INSYN2A: variants seen among roughly 807,000 people sequenced by gnomAD.
INSYN2A encodes family with sequence similarity 196 member A.
A neutral mutation model predicts 39.4 loss-of-function variants in INSYN2A; 17 were observed. The ratio of observed to expected loss-of-function variants is 0.43; its 90% CI spans 0.30 to 0.65. INSYN2A has a LOEUF of 0.65. INSYN2A is among the 30% of genes least tolerant of loss of function. The probability of loss-of-function intolerance (pLI) is 0.14; values close to 1 mark genes in which losing one functional copy is unlikely to be tolerated. For synonymous variants in INSYN2A, 255 were observed against 265.7 expected (o/e 0.96, Z 0.39); for missense variants, 595 against 631.2 (o/e 0.94, Z 0.61).
chr10:127,163,356 T>C (rs1236577318), intron 4 of INSYN2A, among the ~76,000 whole-genome samples: 1 of 152,036 alleles, frequency 6.6e-6, no homozygotes, highest in African/African-American at 2.4e-5. Context: ...CGCCATGGAG[T>C]ATACCGGGAG....
At chr10:127,193,117 CAAAA>C (rs1212775508) in intron 1 of INSYN2A, among the ~76,000 whole-genome samples, 1 of 151,926 alleles carries the variant, frequency 6.6e-6, no homozygotes, top group African/African-American at 2.4e-5. Flanking sequence ...ATATGTGAGA[CAAAA>C]AAGGATCTGC....
At chr10:127,157,797 CT>C (rs1198802299) in intron 4 of INSYN2A, among the ~76,000 whole-genome samples, 1 of 152,156 alleles carries the variant, frequency 6.6e-6, no homozygotes, top group East Asian at 1.9e-4. Context: ...TGTTTGGGAT[CT>C]TTCTTTTGTT....
intron 2 of INSYN2A, among the ~76,000 whole-genome samples, chr10:127,183,828 C>T (rs555681183): frequency 6.6e-6 from 1 of 152,166 alleles, no homozygotes; most frequent in Non-Finnish European, 1.5e-5. Context: ...AAAAATCTAC[C>T]TCTTATCAAT....
intron 2 of INSYN2A, among the ~76,000 whole-genome samples, chr10:127,180,771 A>G (rs1421194827): frequency 1.3e-5 from 2 of 152,386 alleles, no homozygotes; most frequent in East Asian, 3.9e-4. Flanking sequence ...GGCCATTAAA[A>G]GGATAATTAT....
At position 127,135,773 on chromosome 10, in the gene INSYN2A, T is replaced by A. The variant is rs1454700972; in HGVS notation, c.*2064A>T. On this transcript the variant is annotated 3_prime_UTR_variant, in exon 6 of 6. Transcript: ENST00000522781. ...CTAGACTGGTGTGAAACAGTGACATTATTTTGTGTACTAGGATGTCCTCTT... is the reference window on the plus strand; with the variant it reads ...CTAGACTGGTGTGAAACAGTGACATAATTTTGTGTACTAGGATGTCCTCTT... 5.9e-5 allele frequency: 9 copies of A among 152,670 alleles called. No individual in the cohort carries two copies. Among genetic ancestry groups the A allele is most frequent in the African/African-American group, 2.2e-4 (9 of 41,470 alleles). 9.5% of individuals were successfully genotyped at this position (152,670 alleles called of 1,614,324 possible). A position where few individuals can be genotyped will look rare whatever the true frequency, so the allele number is the denominator to read the frequency against.
chr10:127,160,412 T>G (rs2053497254), intron 4 of INSYN2A, among the ~76,000 whole-genome samples: 1 of 152,220 alleles, frequency 6.6e-6, no homozygotes, highest in Admixed American at 6.5e-5. Flanking sequence ...TGTGTGTGCC[T>G]GGTCTGGTTG....
At chr10:127,146,646 G>C (rs1394471986) in intron 5 of INSYN2A, among the ~76,000 whole-genome samples, 1 of 152,090 alleles carries the variant, frequency 6.6e-6, no homozygotes, top group Non-Finnish European at 1.5e-5. Flanking sequence ...ACTAAGAACA[G>C]AGCACTAAAC....
Position 127,147,904 on chromosome 10 carries a change from G to A in INSYN2A, c.1256+5948C>T, listed in dbSNP as rs139892454. Among the ~76,000 whole-genome samples, 326 of 151,686 alleles carry A rather than the reference G, an allele frequency of 2.1e-3. 1 individual carries two copies. Among genetic ancestry groups the A allele is most frequent in the African/African-American group, 6.8e-3 (282 of 41,390 alleles). On this transcript the variant is annotated intron_variant, in intron 5 of 5. Coordinates refer to ENST00000522781, the MANE Select transcript of INSYN2A (RefSeq NM_001039762.3). ...AAATTAGCCAGGATTGGCGGTGCGC[G>A]CACGTAGTCCCAGCTACTCGGGAGG...
intron 4 of INSYN2A, among the ~76,000 whole-genome samples, chr10:127,159,413 T>C (rs2053390245): frequency 6.6e-6 from 1 of 152,164 alleles, no homozygotes; most frequent in South Asian, 2.1e-4. Flanking sequence ...CTCTAATTCT[T>C]CAGTTGTTAC....
intron 5 of INSYN2A, among the ~76,000 whole-genome samples, chr10:127,144,112 A>G (rs1054755567): frequency 1.4e-4 from 22 of 152,098 alleles, no homozygotes; most frequent in African/African-American, 4.3e-4. Context: ...CCAGAACTCC[A>G]GCAGTTTCCT....
At chr10:127,142,495 G>C (rs2051361220) in intron 5 of INSYN2A, among the ~76,000 whole-genome samples, 1 of 152,176 alleles carries the variant, frequency 6.6e-6, no homozygotes, top group African/African-American at 2.4e-5. Flanking sequence ...AAAAAGTCCT[G>C]ATTCTTGAGA....
chr10:127,158,570 G>A (rs1202309538), intron 4 of INSYN2A, among the ~76,000 whole-genome samples: 1 of 152,146 alleles, frequency 6.6e-6, no homozygotes, highest in African/African-American at 2.4e-5. Flanking sequence ...AGTTAATGTT[G>A]ATGTAGCCAA....
At chr10:127,179,641 G>T (rs1454824911) in intron 2 of INSYN2A, among the ~76,000 whole-genome samples, 1 of 152,110 alleles carries the variant, frequency 6.6e-6, no homozygotes, top group Non-Finnish European at 1.5e-5. Flanking sequence ...CTTTATTGGG[G>T]GTGGAGGGTA....
At chr10:127,170,901 G>C (rs936742049) in intron 4 of INSYN2A, among the ~76,000 whole-genome samples, 3 of 152,214 alleles carry the variant, frequency 2.0e-5, no homozygotes, top group African/African-American at 7.2e-5. Flanking sequence ...GCATAAAGCA[G>C]AGTGATTTTA....
rs530301874 is a variant in INSYN2A, at chr10:127,149,271, CAG to C, written c.1256+4579_1256+4580del. Among the ~76,000 whole-genome samples the C allele has an allele frequency of 6.6e-3, 999 of 152,278 alleles. 4 individuals are homozygous for C. The highest frequency in any genetic ancestry group is 0.012 in the Admixed American group (176 of 15,300). ...CAGACACCCCACCCAAGAGAGAGGG[CAG>C]AGAAGCTCAGCCCTAACCTTGCAGG... On this transcript the variant is annotated intron_variant, in intron 5 of 5. Coordinates refer to ENST00000522781, the MANE Select transcript of INSYN2A (RefSeq NM_001039762.3).
chr10:127,145,956 C>A, intron 5 of INSYN2A: 1 of 512,684 alleles, frequency 2.0e-6, no homozygotes. Context: ...TTCAAGACGC[C>A]TATCTGTGAG....
At chr10:127,145,422 G>A (rs931561605) in intron 5 of INSYN2A, among the ~76,000 whole-genome samples, 43 of 152,216 alleles carry the variant, frequency 2.8e-4, no homozygotes, top group Admixed American at 1.4e-3. Context: ...TTTCTGAGAC[G>A]TAGCCTGCAG....
At position 127,196,538 on chromosome 10, in the gene INSYN2A, A is replaced by G. The variant is rs1465604591; in HGVS notation, c.-936T>C. 6.9e-6 allele frequency among the ~76,000 whole-genome samples: 1 copy of G among 144,954 alleles called. No homozygotes were observed. The highest frequency in any genetic ancestry group is 2.5e-5 in the African/African-American group (1 of 40,006). ...GGCGGCCAGAGGCGAGGGCGCCCCAAGCCGCGCGCCTGCCGCCTGTGCGCC... is the reference window on the plus strand; with the variant it reads ...GGCGGCCAGAGGCGAGGGCGCCCCAGGCCGCGCGCCTGCCGCCTGTGCGCC... On this transcript the variant is annotated 5_prime_UTR_variant, in exon 1 of 6. Transcript: ENST00000522781.
At chr10:127,166,019 C>G (rs2054039003) in intron 4 of INSYN2A, among the ~76,000 whole-genome samples, 1 of 152,178 alleles carries the variant, frequency 6.6e-6, no homozygotes, top group Non-Finnish European at 1.5e-5. Flanking sequence ...TCCAGACTTG[C>G]ATTAGCAAAA....
Sources: gnomAD v4.1 joint callset for allele counts (sites outside exome capture counted in the v4.1 genomes callset) on GRCh38, gnomAD v4.1.1 for gene constraint, MANE v1.5 for transcripts, NCBI Gene and HGNC (gene_info 2026-07-23, HGNC 2026-07-21) for gene names.